Variants in MCC observed in about 807,000 individuals in gnomAD.
MCC encodes the protein colorectal mutant cancer protein.
Under a neutral mutation model 116.2 loss-of-function variants are expected in MCC, and 90 were observed. That is an observed-to-expected ratio of 0.77 (90% confidence interval 0.65 to 0.92). The LOEUF (loss-of-function observed/expected upper bound fraction) is 0.92, where lower values mean the gene tolerates loss of function less well. Ranked by LOEUF, MCC falls within the 40% of genes least tolerant of loss-of-function variation. MCC has a pLI of 0.00. For synonymous variants in MCC, 578 were observed against 510.5 expected (o/e 1.13, Z -1.78); for missense variants, 1,516 against 1,312.2 (o/e 1.16, Z -2.40).
chr5:113,195,270 G>A lies in MCC; in HGVS notation c.628-43848C>T, dbSNP rs1284373010. ...AAGGGGTGACCAGTGTTCCTTAATGGCACCCAGCATCGGGAATGTAGAACC... is the reference window on the plus strand; with the variant it reads ...AAGGGGTGACCAGTGTTCCTTAATGACACCCAGCATCGGGAATGTAGAACC... On this transcript the variant is annotated intron_variant, in intron 3 of 18. Transcript: ENST00000408903. Among the ~76,000 whole-genome samples the A allele has an allele frequency of 2.0e-5, 3 of 152,138 alleles. No individual in the cohort carries two copies. In the South Asian group the frequency reaches 6.2e-4, roughly 32 times the overall value.
chr5:113,321,286 C>CT (rs1051266270), intron 3 of MCC, among the ~76,000 whole-genome samples: 87 of 151,600 alleles, frequency 5.7e-4, no homozygotes, highest in South Asian at 2.9e-3. Flanking sequence ...AATAGGAAAA[C>CT]TTTTTTTTTA....
intron 5 of MCC, among the ~76,000 whole-genome samples, chr5:113,135,419 T>C (rs1161919699): frequency 1.7e-4 from 25 of 145,376 alleles, no homozygotes; most frequent in African/African-American, 6.4e-4. Context: ...ATTAGCCGGG[T>C]GTGGTGGTGG....
At chr5:113,122,906 A>G in intron 5 of MCC, 80 bp from the exon 6 acceptor site, 1 of 1,430,836 alleles carries the variant, frequency 7.0e-7, no homozygotes, top group African/African-American at 1.4e-5. Context: ...TAAGGACAAG[A>G]AAAAGACATT....
intron 1 of MCC, among the ~76,000 whole-genome samples, chr5:113,408,509 G>A (rs566162202): frequency 6.6e-6 from 1 of 152,172 alleles, no homozygotes; most frequent in East Asian, 1.9e-4. Flanking sequence ...ATCCTCACTG[G>A]CCTGTTGAGT....
At position 113,263,823 on chromosome 5, in the gene MCC, C is replaced by G. The variant is rs10053786; in HGVS notation, c.627+76696G>C. ...CTGGACTCTTGCATTCCACACAGATCAAGACACAAGCCTCACACTTCATCA... is the reference window on the plus strand; with the variant it reads ...CTGGACTCTTGCATTCCACACAGATGAAGACACAAGCCTCACACTTCATCA... On this transcript the variant is annotated intron_variant, in intron 3 of 18. Transcript: ENST00000408903. Among the ~76,000 whole-genome samples the G allele has an allele frequency of 2.4e-3, 360 of 151,412 alleles. 3 individuals are homozygous for G. Among genetic ancestry groups the G allele is most frequent in the African/African-American group, 8.4e-3 (345 of 41,268 alleles).
At chr5:113,116,611 C>A (rs1342112123) in intron 6 of MCC, among the ~76,000 whole-genome samples, 1 of 152,168 alleles carries the variant, frequency 6.6e-6, no homozygotes, top group African/African-American at 2.4e-5. Context: ...CCATCTTATA[C>A]CCCAAGTCTC....
chr5:113,274,769 T>C (rs1008296717), intron 3 of MCC, among the ~76,000 whole-genome samples: 5 of 152,226 alleles, frequency 3.3e-5, no homozygotes, highest in African/African-American at 9.6e-5. Flanking sequence ...GTGGGTCTAA[T>C]ACTGGGTGGG....
chr5:113,159,007 G>C (rs148922002), intron 3 of MCC, among the ~76,000 whole-genome samples: 16 of 152,242 alleles, frequency 1.1e-4, no homozygotes, highest in Non-Finnish European at 2.1e-4. Flanking sequence ...GGGAGAAGCA[G>C]GGTCAGGGTT....
At chr5:113,126,659 G>C (rs1314149811) in intron 5 of MCC, among the ~76,000 whole-genome samples, 2 of 152,182 alleles carry the variant, frequency 1.3e-5, no homozygotes, top group Admixed American at 6.5e-5. Flanking sequence ...AGTAATTGCA[G>C]TTTTGCTTTT....
intron 1 of MCC, among the ~76,000 whole-genome samples, chr5:113,418,638 G>A (rs1386580950): frequency 6.6e-6 from 1 of 152,094 alleles, no homozygotes; most frequent in African/African-American, 2.4e-5. Flanking sequence ...TTTTAGTGCA[G>A]TGCCTGGAAC....
intron 1 of MCC, among the ~76,000 whole-genome samples, chr5:113,476,579 T>C (rs1772239184): frequency 6.6e-6 from 1 of 152,194 alleles, no homozygotes; most frequent in South Asian, 2.1e-4. Flanking sequence ...GCTAAAACTA[T>C]AAAACTCTTA....
At chr5:113,189,614 C>A (rs371924404) in intron 3 of MCC, among the ~76,000 whole-genome samples, 7 of 152,106 alleles carry the variant, frequency 4.6e-5, no homozygotes, top group East Asian at 1.9e-4. Context: ...TATAGTCACA[C>A]GATACAGAAT....
intron 3 of MCC, among the ~76,000 whole-genome samples, chr5:113,289,641 G>A (rs558538649): frequency 1.3e-5 from 2 of 152,244 alleles, no homozygotes; most frequent in East Asian, 3.9e-4. Context: ...ACATAGGGAT[G>A]CCCATGTTGA....
chr5:113,242,744 G>C (rs959405847), intron 3 of MCC, among the ~76,000 whole-genome samples: 1 of 152,132 alleles, frequency 6.6e-6, no homozygotes, highest in Non-Finnish European at 1.5e-5. Flanking sequence ...ATGCACCACA[G>C]AGAAATGTGC....
rs1263619902 is a variant in MCC, at chr5:113,025,089, G to C, written c.*2213C>G. 1.3e-5 allele frequency: 2 copies of C among 151,980 alleles called. No homozygotes were observed. The highest frequency in any genetic ancestry group is 2.9e-5 in the Non-Finnish European group (2 of 68,002). The allele number at this position is 151,980 out of a possible 1,614,324, so 9.4% of individuals were successfully genotyped here. The stretch of plus-strand genomic sequence containing the variant: ...AATGGAGACAGAAGTCAGTAGGCAG[G>C]ATTTTATTCCTGCTTCAGCCACATG... On this transcript the variant is annotated 3_prime_UTR_variant, in exon 19 of 19. Transcript: ENST00000408903.
intron 11 of MCC, 70 bp from the exon 12 acceptor site, chr5:113,071,304 T>G: frequency 6.5e-7 from 1 of 1,535,508 alleles, no homozygotes; most frequent in Non-Finnish European, 8.9e-7. Context: ...GTTGTCTCAT[T>G]TATATTCAGG....
At chr5:113,161,683 C>G (rs1356389238) in intron 3 of MCC, among the ~76,000 whole-genome samples, 1 of 149,630 alleles carries the variant, frequency 6.7e-6, no homozygotes, top group Non-Finnish European at 1.5e-5. Context: ...TACACATACC[C>G]ATACACACAG....
chr5:113,236,572 T>C (rs997697279), intron 3 of MCC, among the ~76,000 whole-genome samples: 5 of 152,222 alleles, frequency 3.3e-5, no homozygotes, highest in African/African-American at 1.2e-4. Flanking sequence ...AGATTATGAA[T>C]TATAAAATAC....
intron 3 of MCC, among the ~76,000 whole-genome samples, chr5:113,289,286 G>C (rs543151380): frequency 6.9e-6 from 1 of 144,560 alleles, no homozygotes; most frequent in Non-Finnish European, 1.5e-5. Context: ...CCGAGATTGC[G>C]CCACTGCACT....
Sources: gnomAD v4.1 joint callset for allele counts (sites outside exome capture counted in the v4.1 genomes callset) on GRCh38, gnomAD v4.1.1 for gene constraint, MANE v1.5 for transcripts, NCBI Gene and HGNC (gene_info 2026-07-23, HGNC 2026-07-21) for gene names.